Variants in GGT5 observed in about 807,000 individuals in gnomAD.
GGT5 encodes the protein glutathione hydrolase 5 proenzyme.
In GGT5, 50 loss-of-function variants were observed where a neutral mutation model predicts 58.1. That is an observed-to-expected ratio of 0.86 (90% CI 0.69 to 1.09). The LOEUF is 1.09. GGT5 is among the 50% of genes least tolerant of loss of function. GGT5 has a pLI of 0.00. For synonymous variants in GGT5, 370 were observed against 346.1 expected (o/e 1.07, Z -0.77); for missense variants, 800 against 789.4 (o/e 1.01, Z -0.16).
In GGT5 at chr22:24,226,058, C is replaced by G; in HGVS notation, c.1229+18G>C. 1 of 1,534,846 alleles carries G rather than the reference C, an allele frequency of 6.5e-7. No individual in the cohort carries two copies. The highest frequency in any genetic ancestry group is 1.2e-5 in the South Asian group (1 of 81,648). On this transcript the variant is annotated intron_variant, in intron 8 of 11. Coordinates refer to ENST00000327365, the MANE Select transcript of GGT5 (RefSeq NM_004121.5). ...GAGGAGGAGTGAAGCCATCCGCCTT[C>G]CCCCAGGCCCTACGCACGGTGTGTT...
chr22:24,244,427 C>T lies in GGT5; in HGVS notation c.173+126G>A, dbSNP rs1381609213. 3.2e-5 allele frequency: 26 copies of T among 814,426 alleles called. No individual in the cohort carries two copies. The East Asian group carries it at 4.7e-4, about 15-fold the overall frequency. 50.4% of individuals were successfully genotyped at this position (814,426 alleles called of 1,614,324 possible). On this transcript the variant is annotated intron_variant, in intron 1 of 11. Transcript: ENST00000327365. ...ACACACCCACACATGCATGCAATCA[C>T]ACATACCCAGACACTCACACACACA...
At chr22:24,235,456 C>G (rs565457342) in intron 1 of GGT5, among the ~76,000 whole-genome samples, 1 of 152,194 alleles carries the variant, frequency 6.6e-6, no homozygotes, top group Non-Finnish European at 1.5e-5. Context: ...ACCTCTGGCC[C>G]TAGCACCCTC....
At chr22:24,225,132 G>T (rs182867617) in intron 10 of GGT5, 26 bp from the exon 11 acceptor site, 874 of 1,584,366 alleles carry the variant, frequency 5.5e-4, no homozygotes, top group Non-Finnish European at 7.2e-4. Flanking sequence ...GGGTTTCAGG[G>T]AGAAAGGGGG....
In GGT5 at chr22:24,233,092, GC is replaced by G. The variant is rs2047997727; in HGVS notation, c.401-75del. On this transcript the variant is annotated intron_variant, in intron 3 of 11. Coordinates refer to ENST00000327365, the MANE Select transcript of GGT5 (RefSeq NM_004121.5). ...AGGTTTGCCATCACCCCTACATGTG[GC>G]CCCCCAGTTACAGCAGCCAGAGTGA... 87 of 1,141,504 alleles carry G rather than the reference GC, an allele frequency of 7.6e-5. 1 individual carries two copies. The South Asian group carries it at 1.2e-3, about 16-fold the overall frequency. 70.7% of individuals were successfully genotyped at this position (1,141,504 alleles called of 1,614,324 possible).
chr22:24,232,026 G>C (rs1233825365), intron 5 of GGT5, 25 bp downstream of exon 5: 1 of 1,599,554 alleles, frequency 6.3e-7, no homozygotes, highest in South Asian at 1.1e-5. Context: ...GCAGGGATGG[G>C]GTATGGAACC....
intron 3 of GGT5, among the ~76,000 whole-genome samples, chr22:24,233,238 GC>G (rs1334130516): frequency 1.3e-5 from 2 of 152,164 alleles, no homozygotes; most frequent in African/African-American, 4.8e-5. Flanking sequence ...GCCCCACCCT[GC>G]CCCGCCAACC....
chr22:24,228,416 A>G (rs1287777760), intron 6 of GGT5, among the ~76,000 whole-genome samples: 1 of 151,328 alleles, frequency 6.6e-6, no homozygotes, highest in East Asian at 1.9e-4. Flanking sequence ...TCACTTTTCC[A>G]TGCATCCTAC....
In GGT5 at chr22:24,222,413, C is replaced by G. The variant is rs185968475; in HGVS notation, c.1615-2297G>C. On this transcript the variant is annotated intron_variant, in intron 11 of 11. Transcript: ENST00000327365. ...GTCCTTAGACTTGAAGGCCAAGATC[C>G]TTTACTGCTGAAGCCAAAGTTGGAC... Among the ~76,000 whole-genome samples the G allele has an allele frequency of 1.8e-3, 281 of 152,214 alleles. 1 individual carries two copies. In the Middle Eastern group the frequency reaches 0.024, roughly 13 times the overall value.
chr22:24,232,307 G>A, intron 4 of GGT5, 99 bp from the exon 5 acceptor site: 1 of 627,390 alleles, frequency 1.6e-6, no homozygotes, highest in Non-Finnish European at 2.7e-6. Context: ...CCTACAGTGG[G>A]GGGCGCCCTG....
chr22:24,232,330 G>A (rs963127444), intron 4 of GGT5, 122 bp from the exon 5 acceptor site: 99 of 577,648 alleles, frequency 1.7e-4, no homozygotes, highest in South Asian at 5.5e-4. Flanking sequence ...CCAGGGTCCC[G>A]AGGCACTGGG....
intron 7 of GGT5, 60 bp downstream of exon 7, chr22:24,226,571 G>T (rs2047772050): frequency 6.4e-6 from 10 of 1,573,242 alleles, no homozygotes; most frequent in Non-Finnish European, 6.1e-6. Context: ...CTCATTTCAT[G>T]CCAAGTCCTG....
rs1458665198 is a variant in GGT5, at chr22:24,226,277, TGGGCAGGTGGCA to T, written c.1039-23_1039-12del. 9 of 1,579,450 alleles carry T rather than the reference TGGGCAGGTGGCA, an allele frequency of 5.7e-6. No individual in the cohort carries two copies. In the African/African-American group the frequency reaches 9.4e-5, roughly 17 times the overall value. On this transcript the variant is annotated splice_polypyrimidine_tract_variant and intron_variant, in intron 7 of 11. Coordinates refer to ENST00000327365, the MANE Select transcript of GGT5 (RefSeq NM_004121.5). ...GTCCCGGGAGGCATTCTGGGGTGGG[TGGGCAGGTGGCA>T]GGGTCAGTGAGGGGCCAGGCAGAAT...
At chr22:24,238,896 T>A (rs1454320723) in intron 1 of GGT5, among the ~76,000 whole-genome samples, 5 of 13,680 alleles carry the variant, frequency 3.7e-4, no homozygotes, top group Admixed American at 3.4e-3. Flanking sequence ...ATATTTTATA[T>A]ATATATATAT....
Position 24,226,285 on chromosome 22 carries a change from T to C in GGT5, c.1039-19A>G, listed in dbSNP as rs781021641. On this transcript the variant is annotated intron_variant, in intron 7 of 11. Transcript: ENST00000327365. Reference sequence around the variant, plus strand: ...AGGCATTCTGGGGTGGGTGGGCAGGTGGCAGGGTCAGTGAGGGGCCAGGCA... The same window carrying C: ...AGGCATTCTGGGGTGGGTGGGCAGGCGGCAGGGTCAGTGAGGGGCCAGGCA... 2.7e-5 allele frequency: 42 copies of C among 1,576,086 alleles called. No individual in the cohort carries two copies. Among genetic ancestry groups the C allele is most frequent in the Non-Finnish European group, 3.4e-5 (39 of 1,162,526 alleles).
At chr22:24,224,929 GCTTTGAGC>G (rs1431277655) in intron 11 of GGT5, 59 bp downstream of exon 11, 1 of 1,020,160 alleles carries the variant, frequency 9.8e-7, no homozygotes, top group Admixed American at 2.0e-5. Flanking sequence ...CTCCCAGGTG[GCTTTGAGC>G]AGCACGGATT....
intron 1 of GGT5, chr22:24,244,342 C>T (rs531960442): frequency 3.3e-5 from 19 of 577,450 alleles, no homozygotes; most frequent in Admixed American, 1.2e-4. Context: ...CATACCCACA[C>T]ACAATCACAC....
At chr22:24,220,271 C>T (rs2047551149) in intron 11 of GGT5, among the ~76,000 whole-genome samples, 155 bp from the exon 12 acceptor site, 1 of 152,166 alleles carries the variant, frequency 6.6e-6, no homozygotes, top group African/African-American at 2.4e-5. Flanking sequence ...CAGATGGGAG[C>T]ATGGAAGAGA....
intron 5 of GGT5, 104 bp downstream of exon 5, chr22:24,231,947 G>A (rs2047954540): frequency 3.1e-6 from 3 of 963,744 alleles, no homozygotes; most frequent in South Asian, 3.0e-5. Context: ...GGCACTGCCT[G>A]CACTCCCTCA....
At chr22:24,238,906 T>A (rs79241261) in intron 1 of GGT5, among the ~76,000 whole-genome samples, 2,561 of 14,740 alleles carry the variant, frequency 0.17, 362 homozygotes, top group Admixed American at 0.23. Context: ...TATATATATA[T>A]TATATATATT....
Sources: allele counts gnomAD v4.1 joint callset (sites outside exome capture counted in the v4.1 genomes callset), GRCh38; gene constraint gnomAD v4.1.1; transcripts MANE v1.5; gene names NCBI Gene and HGNC (gene_info 2026-07-23, HGNC 2026-07-21).